Variants in UCKL1 observed in about 807,000 individuals in gnomAD.
The protein encoded by UCKL1 is uridine-cytidine kinase 1 like 1, also known as uridine-cytidine kinase-like 1.
Under a neutral mutation model 59.2 loss-of-function variants are expected in UCKL1, and 65 were observed. That is an observed-to-expected ratio of 1.10 (90% CI 0.90 to 1.35). The LOEUF is 1.35. Ranked by LOEUF, UCKL1 falls within the 40% of genes most tolerant of loss-of-function variation. The pLI is 0.00. For synonymous variants in UCKL1, 410 were observed against 323.1 expected (o/e 1.27, Z -2.88); for missense variants, 703 against 784.3 (o/e 0.90, Z 1.24).
rs2054291858 is a variant in UCKL1, at chr20:63,941,194, G to A, written c.938C>T (p.Ser313Leu). The change falls in exon 9 of 15, where the codon TCG becomes TTG. Residue 313 changes from serine to leucine, a missense_variant. Coordinates refer to ENST00000354216, the MANE Select transcript of UCKL1 (RefSeq NM_017859.4). Reference sequence around the variant, plus strand: ...GGGCAGCGGGTGGCACTGGTGTGCCGAGGCCAGCGCAGCCCTGGGGACAAA... The same window carrying A: ...GGGCAGCGGGTGGCACTGGTGTGCCAAGGCCAGCGCAGCCCTGGGGACAAA... ...RELSVRAALA[S>L]AHQCHPLPRT... The A allele has an allele frequency of 1.3e-6, 2 of 1,547,592 alleles. No homozygotes were observed. The highest frequency in any genetic ancestry group is 2.3e-5 in the East Asian group (1 of 43,424).
rs1241642577 is a variant in UCKL1 at position 63,941,171 on chromosome 20, G to T, written c.961C>A (p.Pro321Thr). The T allele has an allele frequency of 6.4e-7, 1 of 1,572,212 alleles. No homozygotes were observed. Among genetic ancestry groups the T allele is most frequent in the African/African-American group, 1.3e-5 (1 of 74,278 alleles). ...CTCTTCAGGACGCTCAGCGTCCGGG[G>T]CAGCGGGTGGCACTGGTGTGCCGAG... ...LASAHQCHPL[P>T]RTLSVLKSTP... The change falls in exon 9 of 15, where the codon CCC (proline) becomes ACC (threonine). Residue 321 changes from proline to threonine, a missense_variant. Physicochemically the swap from Pro to Thr is conservative, Grantham distance 38. Around this residue, in one of 4 missense-constraint regions of UCKL1, gnomAD observed 156 missense variants for 185.6 expected, o/e 0.84. Transcript: ENST00000354216.
Position 63,940,857 on chromosome 20 carries a change from C to T in UCKL1, c.1117-1G>A. ...CCTGCGGGGTCTGTACGACGCAGTC[C>T]TGTGGGGTGCAGGGTGAGGACTCCG... is the stretch of plus-strand genomic sequence containing the variant. On this transcript the variant is annotated splice_acceptor_variant, in intron 10 of 14. Transcript: ENST00000354216. LOFTEE classifies it high-confidence loss of function. The T allele has an allele frequency of 1.3e-6, 2 of 1,539,298 alleles. No homozygotes were observed. Among genetic ancestry groups the T allele is most frequent in the Admixed American group, 1.9e-5 (1 of 52,300 alleles).
At chr20:63,953,107 C>T (rs73624796) in intron 1 of UCKL1, among the ~76,000 whole-genome samples, 6 of 152,140 alleles carry the variant, frequency 3.9e-5, no homozygotes, top group South Asian at 2.1e-4. Flanking sequence ...TAGCTGGGCA[C>T]GGTGGCACAT....
Position 63,956,120 on chromosome 20 carries a change from T to TG in UCKL1, c.113+139dup, listed in dbSNP as rs1438561165. 4 of 782,970 alleles carry TG rather than the reference T, an allele frequency of 5.1e-6. No individual in the cohort carries two copies. In the African/African-American group the frequency reaches 7.4e-5, roughly 15 times the overall value. The allele number at this position is 782,970 out of a possible 1,614,324, so 48.5% of individuals were successfully genotyped here. On this transcript the variant is annotated intron_variant, in intron 1 of 14. Transcript: ENST00000354216. ...AGCCCGCGGGGTTCCACCCGGCACG[T>TG]GGGAGAACGGGGCGCCGCCGCCTGG...
At chr20:63,956,091 T>A in intron 1 of UCKL1, 169 bp downstream of exon 1, 1 of 611,614 alleles carries the variant, frequency 1.6e-6, no homozygotes, top group Non-Finnish European at 2.5e-6. Context: ...TCCCGGCCGC[T>A]TCAAGCCCGC....
Position 63,946,152 on chromosome 20 carries a change from G to A in UCKL1, c.411+9C>T, listed in dbSNP as rs765666094. 3.4e-5 allele frequency: 54 copies of A among 1,611,264 alleles called. No homozygotes were observed. Among genetic ancestry groups the A allele is most frequent in the South Asian group, 7.7e-5 (7 of 90,976 alleles). On this transcript the variant is annotated intron_variant, in intron 3 of 14. Coordinates refer to ENST00000354216, the MANE Select transcript of UCKL1 (RefSeq NM_017859.4). ...AAGGGGTCCTCGGGGGAGCTGGGCG[G>A]GGGCCCACCTTGTAGAAGGAGTCCA... is the stretch of plus-strand genomic sequence containing the variant.
chr20:63,948,664 TGA>T (rs1269316881), intron 1 of UCKL1, among the ~76,000 whole-genome samples: 1 of 72,714 alleles, frequency 1.4e-5, no homozygotes, highest in Non-Finnish European at 2.7e-5. Flanking sequence ...GGGGCGTGTG[TGA>T]GAGGGAGGGG....
rs781034596 is a variant in UCKL1, at chr20:63,945,984, G to T, written c.412-9C>A. The T allele has an allele frequency of 1.9e-6, 3 of 1,613,532 alleles. No homozygotes were observed. The highest frequency in any genetic ancestry group is 1.3e-5 in the African/African-American group (1 of 74,932). ...TGCTGCTCAGTCAGCACCTGGTGGG[G>T]GAGGCTGTGGAGCAGCTGTGGGCAC... On this transcript the variant is annotated splice_polypyrimidine_tract_variant and intron_variant, in intron 3 of 14. Transcript: ENST00000354216.
intron 3 of UCKL1, 81 bp downstream of exon 3, chr20:63,946,080 G>A: frequency 6.2e-7 from 1 of 1,608,132 alleles, no homozygotes. Flanking sequence ...CTGGGGCTGA[G>A]ACCAGGGACC....
Position 63,946,157 on chromosome 20 carries a change from C to A in UCKL1, c.411+4G>T, listed in dbSNP as rs765879593. On this transcript the variant is annotated splice_donor_region_variant and intron_variant, in intron 3 of 14. Transcript: ENST00000354216. ...GTCCTCGGGGGAGCTGGGCGGGGGC[C>A]CACCTTGTAGAAGGAGTCCATGGAC... The A allele has an allele frequency of 9.6e-5, 155 of 1,611,734 alleles. No homozygotes were observed. The highest frequency in any genetic ancestry group is 1.3e-4 in the Non-Finnish European group (153 of 1,179,488).
intron 1 of UCKL1, among the ~76,000 whole-genome samples, chr20:63,947,458 A>G (rs1281538017): frequency 6.6e-6 from 1 of 152,210 alleles, no homozygotes; most frequent in Non-Finnish European, 1.5e-5. Context: ...AGACCAGACC[A>G]GGTTGTGCGC....
At chr20:63,951,159 C>T in intron 1 of UCKL1, 1 of 1,055,980 alleles carries the variant, frequency 9.5e-7, no homozygotes, top group Non-Finnish European at 1.1e-6. Context: ...TCCTCAGAGG[C>T]CAAGGCCACA....
At chr20:63,942,761 C>T (rs1224194569) in intron 8 of UCKL1, 3 of 463,340 alleles carry the variant, frequency 6.5e-6, no homozygotes, top group South Asian at 1.5e-5. Flanking sequence ...TGTCTGGCTG[C>T]GTTCAGGTGT....
chr20:63,953,847 C>G (rs1384574572), intron 1 of UCKL1: 2 of 152,682 alleles, frequency 1.3e-5, no homozygotes, highest in Non-Finnish European at 2.9e-5. Context: ...GAGGAAACAG[C>G]CACGGGAGAG....
At chr20:63,942,615 A>G in intron 8 of UCKL1, 1 of 647,414 alleles carries the variant, frequency 1.5e-6, no homozygotes, top group Non-Finnish European at 2.5e-6. Context: ...CGCAGGCCTG[A>G]GGAGGAGTGT....
intron 8 of UCKL1, 59 bp from the exon 9 acceptor site, chr20:63,941,267 C>T (rs1247128075): frequency 1.4e-6 from 2 of 1,453,530 alleles, no homozygotes; most frequent in Non-Finnish European, 1.8e-6. Flanking sequence ...AGCCCTCCCT[C>T]CCCACAGGAC....
chr20:63,950,690 G>A, intron 1 of UCKL1: 1 of 1,414,940 alleles, frequency 7.1e-7, no homozygotes, highest in Non-Finnish European at 9.3e-7. Flanking sequence ...ACCAAACACA[G>A]GTCTGAGTGG....
chr20:63,943,585 C>A, intron 8 of UCKL1, 68 bp downstream of exon 8: 6 of 1,609,866 alleles, frequency 3.7e-6, no homozygotes, highest in Non-Finnish European at 5.1e-6. Context: ...GATCACAGCC[C>A]AGACCCCAGA....
At chr20:63,942,857 C>T (rs1378311198) in intron 8 of UCKL1, 9 of 394,134 alleles carry the variant, frequency 2.3e-5, no homozygotes, top group Admixed American at 1.1e-4. Context: ...CTGCGGGTTC[C>T]TAGGCCGAGG....
Sources: gnomAD v4.1 joint callset for allele counts (sites outside exome capture counted in the v4.1 genomes callset) on GRCh38, gnomAD v4.1.1 for gene constraint, gnomAD v4.1.1 regional missense constraint, MANE v1.5 for transcripts, NCBI Gene and HGNC (gene_info 2026-07-23, HGNC 2026-07-21) for gene names.